Variants in AFF3 observed in about 807,000 individuals in gnomAD.
AFF3 encodes AF4/FMR2 family member 3.
AFF3 carries 32 observed loss-of-function variants against 129.7 expected under a neutral mutation model. The observed-to-expected ratio is 0.25, with a 90% CI of 0.19 to 0.33. AFF3 has a LOEUF of 0.33. Ranked by LOEUF, AFF3 falls within the 10% of genes least tolerant of loss-of-function variation. The probability of loss-of-function intolerance (pLI) is 1.00; values close to 1 mark genes in which losing one functional copy is unlikely to be tolerated. For missense variants in AFF3, 1,373 were observed against 1,592.0 expected (o/e 0.86, Z 2.34); for synonymous variants, 644 against 635.4 (o/e 1.01, Z -0.20).
chr2:99,724,271 C>CTTTT (rs58303232), intron 11 of AFF3, among the ~76,000 whole-genome samples: 3,761 of 66,616 alleles, frequency 0.056, 568 homozygotes, highest in Non-Finnish European at 0.076. Context: ...AATGACCTTT[C>CTTTT]TTTTTTTTTT....
At chr2:99,840,982 C>G (rs569125855) in intron 7 of AFF3, among the ~76,000 whole-genome samples, 1 of 152,198 alleles carries the variant, frequency 6.6e-6, no homozygotes, top group Non-Finnish European at 1.5e-5. Context: ...GCTGGCAGGG[C>G]AAATGCTGAA....
intron 7 of AFF3, among the ~76,000 whole-genome samples, chr2:99,873,424 T>C (rs548178214): frequency 6.6e-6 from 1 of 152,310 alleles, no homozygotes; most frequent in East Asian, 1.9e-4. Flanking sequence ...ATTATGAAGA[T>C]AGTTTTGATC....
Position 99,813,504 on chromosome 2 carries a change from A to G in AFF3, c.921+23973T>C, listed in dbSNP as rs565062092. ...AGTTATGAAACCTGACCTGGAGTAC[A>G]TAACAAGGCCTGTGTACTACGATCC... On this transcript the variant is annotated intron_variant, in intron 8 of 24. Coordinates refer to ENST00000672756, the MANE Select transcript of AFF3 (RefSeq NM_001386135.1). 1.1e-4 allele frequency among the ~76,000 whole-genome samples: 16 copies of G among 152,350 alleles called. 2 individuals are homozygous for G. Among genetic ancestry groups the G allele is most frequent in the Admixed American group, 1.0e-3 (16 of 15,308 alleles).
chr2:99,764,452 C>A (rs1553448671), intron 8 of AFF3, among the ~76,000 whole-genome samples: 2 of 152,196 alleles, frequency 1.3e-5, no homozygotes, highest in Middle Eastern at 3.4e-3. Context: ...TCTTTTGGGG[C>A]AGAGGATGAG....
At chr2:99,754,338 A>G (rs749106653) in intron 8 of AFF3, among the ~76,000 whole-genome samples, 5 of 152,158 alleles carry the variant, frequency 3.3e-5, no homozygotes, top group Non-Finnish European at 5.9e-5. Context: ...TTCCTTTGCA[A>G]TCACTCTTTC....
intron 8 of AFF3, among the ~76,000 whole-genome samples, chr2:99,833,681 G>C (rs751286048): frequency 8.6e-5 from 13 of 151,972 alleles, no homozygotes; most frequent in Non-Finnish European, 1.6e-4. Flanking sequence ...AATTTTATTT[G>C]CTGAACAAAT....
intron 12 of AFF3, among the ~76,000 whole-genome samples, chr2:99,663,300 A>C (rs947709178): frequency 8.5e-5 from 13 of 152,214 alleles, no homozygotes; most frequent in Non-Finnish European, 1.8e-4. Flanking sequence ...TGAGATGGGA[A>C]TGTTTCTTGT....
At chr2:100,070,102 G>A (rs1057077272) in intron 4 of AFF3, among the ~76,000 whole-genome samples, 1 of 152,152 alleles carries the variant, frequency 6.6e-6, no homozygotes, top group African/African-American at 2.4e-5. Flanking sequence ...CAGACAGAAA[G>A]GAAGAGGGAA....
chr2:99,634,878 C>A (rs2105429188), intron 13 of AFF3, among the ~76,000 whole-genome samples: 1 of 151,526 alleles, frequency 6.6e-6, no homozygotes, highest in African/African-American at 2.4e-5. Context: ...GCCATCTGGG[C>A]AGGAGAACAG....
intron 13 of AFF3, among the ~76,000 whole-genome samples, chr2:99,621,509 G>A (rs1682010117): frequency 6.6e-6 from 1 of 152,200 alleles, no homozygotes; most frequent in Non-Finnish European, 1.5e-5. Context: ...GGATTTTTCT[G>A]CCATGAAGAA....
At chr2:99,931,858 G>A (rs937734944) in intron 7 of AFF3, among the ~76,000 whole-genome samples, 9 of 152,164 alleles carry the variant, frequency 5.9e-5, no homozygotes, top group Non-Finnish European at 7.3e-5. Context: ...GCAGTGAGCC[G>A]AAATGGTGCC....
At chr2:99,969,478 C>CATTTATTTATTT (rs6146857) in intron 7 of AFF3, among the ~76,000 whole-genome samples, 3,985 of 150,496 alleles carry the variant, frequency 0.026, 96 homozygotes, top group African/African-American at 0.059. Flanking sequence ...ATTTTATTTT[C>CATTTATTTATTT]ATTTATTTAT....
intron 12 of AFF3, among the ~76,000 whole-genome samples, chr2:99,668,605 C>T (rs1268847684): frequency 1.3e-5 from 2 of 152,022 alleles, no homozygotes; most frequent in African/African-American, 2.4e-5. Flanking sequence ...CTCTGTCACC[C>T]AGGCTGGAGT....
At chr2:99,974,970 G>A (rs1380484580) in intron 7 of AFF3, among the ~76,000 whole-genome samples, 3 of 152,134 alleles carry the variant, frequency 2.0e-5, no homozygotes, top group African/African-American at 4.8e-5. Flanking sequence ...TCAAGGCAGT[G>A]GTAGTTAATA....
chr2:99,905,265 C>T lies in AFF3; in HGVS notation c.874-67741G>A, dbSNP rs571514942. On this transcript the variant is annotated intron_variant, in intron 7 of 24. Coordinates refer to ENST00000672756, the MANE Select transcript of AFF3 (RefSeq NM_001386135.1). ...TCTTCACAGAGTTGCCCTGGAGATG[C>T]CTGCTCAGGTTCTTGCTAGCCTAAC... 2.1e-3 allele frequency among the ~76,000 whole-genome samples: 314 copies of T among 152,294 alleles called. 2 individuals are homozygous for T. The highest frequency in any genetic ancestry group is 3.6e-3 in the Non-Finnish European group (242 of 68,024).
At chr2:99,886,443 G>A (rs561889112) in intron 7 of AFF3, among the ~76,000 whole-genome samples, 2 of 152,038 alleles carry the variant, frequency 1.3e-5, no homozygotes, top group African/African-American at 4.8e-5. Flanking sequence ...AGGAATAAAG[G>A]AGGTACGCGC....
At chr2:100,061,441 G>C (rs1265399582) in intron 4 of AFF3, among the ~76,000 whole-genome samples, 1 of 152,092 alleles carries the variant, frequency 6.6e-6, no homozygotes. Context: ...CAGGAGGTAA[G>C]AAGCACTATC....
chr2:99,829,440 GA>G (rs545906394), intron 8 of AFF3, among the ~76,000 whole-genome samples: 2 of 152,004 alleles, frequency 1.3e-5, no homozygotes, highest in South Asian at 4.2e-4. Context: ...GTATTTACAA[GA>G]AAAAAACAAC....
At chr2:99,699,971 T>G in intron 11 of AFF3, among the ~76,000 whole-genome samples, 1 of 152,258 alleles carries the variant, frequency 6.6e-6, no homozygotes, top group East Asian at 1.9e-4. Flanking sequence ...GAATTGGATT[T>G]CCACCAAGGG....
Sources: allele counts gnomAD v4.1 joint callset (sites outside exome capture counted in the v4.1 genomes callset), GRCh38; gene constraint gnomAD v4.1.1; transcripts MANE v1.5; gene names NCBI Gene and HGNC (gene_info 2026-07-23, HGNC 2026-07-21).